The following MARCHF1 variants were observed in gnomAD, a reference collection of about 807,000 sequenced individuals.
MARCHF1 encodes E3 ubiquitin-protein ligase MARCHF1.
Under a neutral mutation model 54.2 loss-of-function variants are expected in MARCHF1, and 40 were observed. The observed-to-expected ratio is 0.74, with a 90% confidence interval of 0.57 to 0.96. MARCHF1 has a LOEUF of 0.96. Ranked by LOEUF, MARCHF1 falls within the 40% of genes least tolerant of loss-of-function variation. The pLI is 0.00. For synonymous variants in MARCHF1, 236 were observed against 236.3 expected (o/e 1.00, Z 0.01); for missense variants, 586 against 656.5 (o/e 0.89, Z 1.17).
chr4:163,564,400 T>C (rs1739576319), intron 8 of MARCHF1, among the ~76,000 whole-genome samples: 1 of 152,230 alleles, frequency 6.6e-6, no homozygotes, highest in Non-Finnish European at 1.5e-5. Flanking sequence ...GAATAGCAGC[T>C]GAAAGGAGCT....
intron 1 of MARCHF1, among the ~76,000 whole-genome samples, chr4:164,170,125 C>T (rs749701150): frequency 6.6e-6 from 1 of 152,046 alleles, no homozygotes; most frequent in African/African-American, 2.4e-5. Context: ...AAGGATAACA[C>T]CTTAGGTCCT....
intron 3 of MARCHF1, among the ~76,000 whole-genome samples, chr4:163,862,140 T>G (rs917087613): frequency 6.6e-6 from 1 of 152,018 alleles, no homozygotes; most frequent in Non-Finnish European, 1.5e-5. Context: ...TGGGTGACCT[T>G]GGGTTTAGCA....
At chr4:164,284,133 G>T (rs930174414) in intron 1 of MARCHF1, among the ~76,000 whole-genome samples, 3 of 150,962 alleles carry the variant, frequency 2.0e-5, no homozygotes, top group Non-Finnish European at 4.4e-5. Flanking sequence ...AGATGCTAAG[G>T]TTCGCTATTC....
At chr4:163,803,999 C>T (rs1434162529) in intron 4 of MARCHF1, among the ~76,000 whole-genome samples, 3 of 152,078 alleles carry the variant, frequency 2.0e-5, no homozygotes, top group Non-Finnish European at 4.4e-5. Flanking sequence ...TCGCAGTATA[C>T]CCTTTCTTTT....
At chr4:164,201,005 C>T (rs1387135551) in intron 1 of MARCHF1, among the ~76,000 whole-genome samples, 1 of 152,026 alleles carries the variant, frequency 6.6e-6, no homozygotes, top group African/African-American at 2.4e-5. Flanking sequence ...AACAGACTAA[C>T]AGAAAGAAAA....
chr4:163,986,512 G>A (rs1185054882), intron 3 of MARCHF1, among the ~76,000 whole-genome samples: 1 of 151,658 alleles, frequency 6.6e-6, no homozygotes. Context: ...TGATCCGCCC[G>A]CCTCGGCCTC....
intron 1 of MARCHF1, among the ~76,000 whole-genome samples, chr4:164,340,200 A>G (rs567251872): frequency 5.3e-5 from 8 of 151,632 alleles, no homozygotes; most frequent in South Asian, 4.2e-4. Flanking sequence ...GCTCTTCTAA[A>G]CAACCAAAGA....
In MARCHF1 at chr4:163,528,756, A is replaced by G; in HGVS notation, c.1630T>C (p.Ser544Pro). 6.2e-7 allele frequency: 1 copy of G among 1,609,476 alleles called. No individual in the cohort carries two copies. Among genetic ancestry groups the G allele is most frequent in the East Asian group, 2.2e-5 (1 of 44,842 alleles). ...ACTCCCAACAGGTTCCATCAGACTG[A>G]TACAACTTCAGGGGGGCCACCCTCT... ...SAEGGPPEVV[S>P]V Residue 544 changes from serine (S) to proline (P), a missense_variant, in exon 10 of 10, where the codon TCA (serine) becomes CCA (proline). By Grantham distance (74) the Ser-to-Pro change is moderately conservative. Coordinates refer to ENST00000514618, the MANE Select transcript of MARCHF1 (RefSeq NM_001394959.1).
intron 1 of MARCHF1, among the ~76,000 whole-genome samples, chr4:164,247,934 G>C (rs573488078): frequency 6.6e-6 from 1 of 151,258 alleles, no homozygotes; most frequent in South Asian, 2.1e-4. Context: ...TTAAGAGCTT[G>C]GGAATGTGAG....
chr4:163,937,229 A>G (rs1032967965), intron 3 of MARCHF1, among the ~76,000 whole-genome samples: 6 of 152,174 alleles, frequency 3.9e-5, no homozygotes, highest in African/African-American at 1.4e-4. Flanking sequence ...AGGGAAGAGA[A>G]AAAGAAATTA....
intron 8 of MARCHF1, among the ~76,000 whole-genome samples, chr4:163,578,810 G>A (rs1236612993): frequency 6.6e-6 from 1 of 151,984 alleles, no homozygotes; most frequent in African/African-American, 2.4e-5. Context: ...CCAAGGGTAG[G>A]GTTTTATTCT....
intron 2 of MARCHF1, among the ~76,000 whole-genome samples, chr4:164,057,392 C>A (rs907383205): frequency 6.6e-6 from 1 of 152,128 alleles, no homozygotes; most frequent in Non-Finnish European, 1.5e-5. Flanking sequence ...GTAACACATA[C>A]TTAATTATTT....
Position 163,525,327 on chromosome 4 carries a change from G to C in MARCHF1, c.*3421C>G, listed in dbSNP as rs1025789164. 6.6e-6 allele frequency: 1 copy of C among 151,726 alleles called. No homozygotes were observed. The highest frequency in any genetic ancestry group is 1.5e-5 in the Non-Finnish European group (1 of 67,718). 9.4% of individuals were successfully genotyped at this position (151,726 alleles called of 1,614,324 possible). A position where few individuals can be genotyped will look rare whatever the true frequency, so the allele number is the denominator to read the frequency against. On this transcript the variant is annotated 3_prime_UTR_variant, in exon 10 of 10. Transcript: ENST00000514618. Reference sequence around the variant, plus strand: ...AAACAAGATAAAAAACCATGAGGTCGTCTGTCTGGGACTATAATCACGTGT... The same window carrying C: ...AAACAAGATAAAAAACCATGAGGTCCTCTGTCTGGGACTATAATCACGTGT...
At chr4:164,251,313 C>T (rs1038217730) in intron 1 of MARCHF1, among the ~76,000 whole-genome samples, 1 of 152,128 alleles carries the variant, frequency 6.6e-6, no homozygotes, top group Non-Finnish European at 1.5e-5. Context: ...TTCAAAGTCA[C>T]ATTGTTTTAC....
chr4:163,838,328 T>G (rs1460555950), intron 4 of MARCHF1, among the ~76,000 whole-genome samples: 1 of 152,050 alleles, frequency 6.6e-6, no homozygotes, highest in Non-Finnish European at 1.5e-5. Context: ...GTAAATGCTA[T>G]GGAAATAGTT....
chr4:164,084,500 A>G (rs1258242951), intron 2 of MARCHF1, among the ~76,000 whole-genome samples: 3 of 151,888 alleles, frequency 2.0e-5, no homozygotes, highest in African/African-American at 7.2e-5. Context: ...AGATTAAAAA[A>G]CTTTTTATTT....
At chr4:164,378,265 C>T (rs973277075) in intron 1 of MARCHF1, among the ~76,000 whole-genome samples, 4 of 152,184 alleles carry the variant, frequency 2.6e-5, no homozygotes, top group African/African-American at 9.6e-5. Flanking sequence ...GACAAAGAAT[C>T]TAGCAGAGAT....
intron 1 of MARCHF1, among the ~76,000 whole-genome samples, chr4:164,372,247 A>C (rs1390503839): frequency 2.6e-5 from 4 of 152,228 alleles, no homozygotes; most frequent in Non-Finnish European, 5.9e-5. Context: ...CCATAAATAC[A>C]TGTCTCTTTG....
chr4:163,778,967 C>T (rs1316875463), intron 4 of MARCHF1, among the ~76,000 whole-genome samples: 1 of 151,978 alleles, frequency 6.6e-6, no homozygotes, highest in Non-Finnish European at 1.5e-5. Context: ...TGCTTGTACC[C>T]CATACACTTA....
Sources: gnomAD v4.1 joint callset for allele counts (sites outside exome capture counted in the v4.1 genomes callset) on GRCh38, gnomAD v4.1.1 for gene constraint, MANE v1.5 for transcripts, NCBI Gene and HGNC (gene_info 2026-07-23, HGNC 2026-07-21) for gene names.